CCDC150: variants seen among roughly 807,000 people sequenced by gnomAD.
CCDC150 encodes coiled-coil domain-containing protein 150.
A neutral mutation model predicts 156.5 loss-of-function variants in CCDC150; 151 were observed. The observed-to-expected ratio is 0.97, with a 90% CI of 0.85 to 1.10. The LOEUF is 1.10. CCDC150 is among the 50% of genes least tolerant of loss of function. The pLI, the probability that CCDC150 is intolerant of heterozygous loss-of-function variation, is 0.00. For synonymous variants in CCDC150, 452 were observed against 429.4 expected (o/e 1.05, Z -0.65); for missense variants, 1,312 against 1,268.1 (o/e 1.03, Z -0.53).
At chr2:196,698,874 T>C (rs1043261107) in intron 14 of CCDC150, among the ~76,000 whole-genome samples, 2 of 152,204 alleles carry the variant, frequency 1.3e-5, no homozygotes, top group Admixed American at 6.5e-5. Context: ...CAGTGTGTGA[T>C]GTTCCCCTTC....
intron 5 of CCDC150, among the ~76,000 whole-genome samples, chr2:196,660,347 G>A (rs1693489190): frequency 6.6e-6 from 1 of 152,162 alleles, no homozygotes; most frequent in South Asian, 2.1e-4. Flanking sequence ...TGCAATTGCT[G>A]GTTCATCTGG....
intron 21 of CCDC150, 105 bp downstream of exon 21, chr2:196,721,796 C>G (rs570910311): frequency 4.2e-4 from 390 of 929,236 alleles, no homozygotes; most frequent in Non-Finnish European, 5.0e-4. Flanking sequence ...CTCTTTTCTC[C>G]TACTTTGCCC....
At chr2:196,649,289 G>T (rs991981542) in intron 2 of CCDC150, among the ~76,000 whole-genome samples, 2 of 152,128 alleles carry the variant, frequency 1.3e-5, no homozygotes, top group African/African-American at 4.8e-5. Context: ...TCAGTTTACA[G>T]TCATGTGGCA....
intron 9 of CCDC150, 55 bp from the exon 10 acceptor site, chr2:196,674,186 G>A: frequency 9.5e-7 from 1 of 1,055,462 alleles, no homozygotes; most frequent in Non-Finnish European, 1.4e-6. Flanking sequence ...TAATACATAA[G>A]TAAAAATAAT....
At chr2:196,689,537 C>T (rs1251548867) in intron 13 of CCDC150, among the ~76,000 whole-genome samples, 5 of 152,092 alleles carry the variant, frequency 3.3e-5, no homozygotes, top group Admixed American at 2.6e-4. Flanking sequence ...CATGATTTGG[C>T]TCTCTGTTTG....
At chr2:196,694,464 G>A (rs1284129331) in intron 13 of CCDC150, among the ~76,000 whole-genome samples, 3 of 152,088 alleles carry the variant, frequency 2.0e-5, no homozygotes, top group Non-Finnish European at 2.9e-5. Flanking sequence ...TATCCCTTTT[G>A]CTGAGGGCAA....
chr2:196,640,378 T>G (rs1421831782), intron 1 of CCDC150, among the ~76,000 whole-genome samples: 1 of 152,198 alleles, frequency 6.6e-6, no homozygotes, highest in Non-Finnish European at 1.5e-5. Flanking sequence ...CCCCAACACA[T>G]GCTTCTAATT....
chr2:196,655,437 C>T (rs560308014), intron 2 of CCDC150, among the ~76,000 whole-genome samples: 48 of 152,200 alleles, frequency 3.2e-4, no homozygotes, highest in Non-Finnish European at 6.0e-4. Flanking sequence ...TTGGAGTTAT[C>T]GCTGGGGCAA....
At chr2:196,662,202 T>C (rs1005138548) in intron 5 of CCDC150, among the ~76,000 whole-genome samples, 1 of 152,198 alleles carries the variant, frequency 6.6e-6, no homozygotes, top group African/African-American at 2.4e-5. Flanking sequence ...GATTGTAATA[T>C]TTAACTTATC....
chr2:196,713,555 A>C, intron 17 of CCDC150: 1 of 1,550,132 alleles, frequency 6.5e-7, no homozygotes. Flanking sequence ...TGGAGACTCT[A>C]GGATCTCTCT....
chr2:196,732,233 T>C, intron 27 of CCDC150, 81 bp downstream of exon 27: 10 of 1,438,608 alleles, frequency 7.0e-6, no homozygotes, highest in Non-Finnish European at 9.7e-6. Context: ...TCTCTCATCA[T>C]CTCGATACTC....
At chr2:196,713,936 T>C (rs1468469208) in intron 17 of CCDC150, among the ~76,000 whole-genome samples, 1 of 152,186 alleles carries the variant, frequency 6.6e-6, no homozygotes, top group Non-Finnish European at 1.5e-5. Context: ...AATTCAAAAT[T>C]TCTACCTAAT....
chr2:196,642,550 A>C (rs1692291093), intron 1 of CCDC150, among the ~76,000 whole-genome samples: 1 of 152,286 alleles, frequency 6.6e-6, no homozygotes, highest in South Asian at 2.1e-4. Context: ...AGCCTCCCAG[A>C]TACTCGGGGA....
intron 13 of CCDC150, among the ~76,000 whole-genome samples, chr2:196,681,744 A>C (rs185446904): frequency 6.6e-6 from 1 of 152,228 alleles, no homozygotes; most frequent in Non-Finnish European, 1.5e-5. Context: ...TTGTGTGCTT[A>C]CTGGCCATTT....
intron 2 of CCDC150, among the ~76,000 whole-genome samples, chr2:196,649,331 A>G (rs1179951288): frequency 6.6e-6 from 1 of 152,184 alleles, no homozygotes; most frequent in Admixed American, 6.5e-5. Flanking sequence ...GACAGAGTGT[A>G]TATTAGTGGT....
At chr2:196,689,406 C>A (rs1292119817) in intron 13 of CCDC150, among the ~76,000 whole-genome samples, 1 of 150,264 alleles carries the variant, frequency 6.7e-6, no homozygotes, top group Admixed American at 6.6e-5. Flanking sequence ...TTGTTTGTAT[C>A]CTCTTTTATT....
intron 2 of CCDC150, among the ~76,000 whole-genome samples, chr2:196,651,787 G>C (rs1692891244): frequency 6.6e-6 from 1 of 152,114 alleles, no homozygotes; most frequent in Non-Finnish European, 1.5e-5. Context: ...CTTGAGACTG[G>C]GTAATTTATA....
At chr2:196,719,776 ATTGC>A in intron 19 of CCDC150, 110 bp downstream of exon 19, 5 of 667,892 alleles carry the variant, frequency 7.5e-6, no homozygotes, top group Non-Finnish European at 6.7e-6. Flanking sequence ...AAAAAAAAAA[ATTGC>A]AAAATGATAT....
At chr2:196,646,859 C>T (rs139633985) in intron 2 of CCDC150, among the ~76,000 whole-genome samples, 1 of 152,076 alleles carries the variant, frequency 6.6e-6, no homozygotes, top group East Asian at 1.9e-4. Flanking sequence ...TAAAATGTTG[C>T]TTCATGCCAT....
Sources: allele counts gnomAD v4.1 joint callset (sites outside exome capture counted in the v4.1 genomes callset), GRCh38; gene constraint gnomAD v4.1.1; transcripts MANE v1.5; gene names NCBI Gene and HGNC (gene_info 2026-07-23, HGNC 2026-07-21).